Variants in IL1RAPL2 observed in about 807,000 individuals in gnomAD.
IL1RAPL2 encodes the protein X-linked interleukin-1 receptor accessory protein-like 2.
A neutral mutation model predicts 44.1 loss-of-function variants in IL1RAPL2; 3 were observed. The ratio of observed to expected loss-of-function variants is 0.07; its 90% CI spans 0.03 to 0.18. The LOEUF is 0.18. Ranked by LOEUF, IL1RAPL2 falls within the 10% of genes least tolerant of loss-of-function variation. IL1RAPL2 has a pLI of 1.00. For synonymous variants in IL1RAPL2, 181 were observed against 178.8 expected (o/e 1.01, Z -0.10); for missense variants, 391 against 496.4 (o/e 0.79, Z 2.02).
intron 5 of IL1RAPL2, among the ~76,000 whole-genome samples, chrX:105,395,391 A>C (rs2147732379): frequency 9.0e-6 from 1 of 110,658 alleles, no homozygotes; most frequent in Admixed American, 9.7e-5. Flanking sequence ...AAAAAAAAGA[A>C]AAGAAGAGAT....
At chrX:105,031,923 A>C (rs778584066) in intron 2 of IL1RAPL2, among the ~76,000 whole-genome samples, 2 of 111,628 alleles carry the variant, frequency 1.8e-5, no homozygotes, top group African/African-American at 6.5e-5. Context: ...TGGTCTCTTC[A>C]GAGATTCAAC....
At chrX:105,012,271 C>G (rs1032896371) in intron 2 of IL1RAPL2, among the ~76,000 whole-genome samples, 2 of 110,310 alleles carry the variant, frequency 1.8e-5, no homozygotes, top group Admixed American at 9.7e-5. Flanking sequence ...TTGTGACATC[C>G]CTACCTTTTT....
At chrX:104,747,484 A>G (rs1932194144) in intron 2 of IL1RAPL2, among the ~76,000 whole-genome samples, 1 of 111,609 alleles carries the variant, frequency 9.0e-6, no homozygotes, top group African/African-American at 3.3e-5. Flanking sequence ...AATGAAGCAG[A>G]CAACCACTGA....
intron 5 of IL1RAPL2, among the ~76,000 whole-genome samples, chrX:105,281,656 A>G (rs2034534070): frequency 9.0e-6 from 1 of 111,507 alleles, no homozygotes; most frequent in South Asian, 3.8e-4. Context: ...CAGTACACTA[A>G]CATGCTGTAC....
chrX:105,441,536 G>A (rs1313350925), intron 5 of IL1RAPL2, among the ~76,000 whole-genome samples: 1 of 111,718 alleles, frequency 9.0e-6, no homozygotes, highest in African/African-American at 3.3e-5. Context: ...AGGCCTTTAA[G>A]TGGACTCTCA....
intron 7 of IL1RAPL2, among the ~76,000 whole-genome samples, chrX:105,729,109 A>G (rs1233512355): frequency 9.0e-6 from 1 of 111,125 alleles, no homozygotes; most frequent in African/African-American, 3.3e-5. Context: ...GATGTACCAC[A>G]ATTGTTTACC....
At chrX:104,571,588 A>T (rs980736618) in intron 1 of IL1RAPL2, among the ~76,000 whole-genome samples, 2 of 112,037 alleles carry the variant, frequency 1.8e-5, no homozygotes, top group Non-Finnish European at 3.8e-5. Context: ...GCCTGCCGCC[A>T]TGTAAGACAT....
chrX:104,612,142 GTTTA>G (rs1452731754), intron 1 of IL1RAPL2, among the ~76,000 whole-genome samples: 1 of 111,940 alleles, frequency 8.9e-6, no homozygotes, highest in Non-Finnish European at 1.9e-5. Flanking sequence ...TAGGTCGTCT[GTTTA>G]TTCTGTTGAT....
intron 3 of IL1RAPL2, among the ~76,000 whole-genome samples, chrX:105,226,544 C>A (rs1486902483): frequency 9.3e-6 from 1 of 107,680 alleles, no homozygotes; most frequent in African/African-American, 3.4e-5. Flanking sequence ...ATTACAAGAG[C>A]ATACCACCAT....
In IL1RAPL2 at chrX:105,041,244, T is replaced by C. The variant is rs774886715; in HGVS notation, c.83-154231T>C. Among the ~76,000 whole-genome samples, 20 of 111,306 alleles carry C rather than the reference T, an allele frequency of 1.8e-4. No individual in the cohort carries two copies. The South Asian group carries it at 1.9e-3, about 10-fold the overall frequency. On this transcript the variant is annotated intron_variant, in intron 2 of 10. Transcript: ENST00000372582. ...TTTGATTGCACTGTGGTCTGAGAGA[T>C]AGTTTGTTATAATTTCTGTTCTTTT...
At chrX:104,923,375 A>G (rs911193474) in intron 2 of IL1RAPL2, among the ~76,000 whole-genome samples, 1 of 111,932 alleles carries the variant, frequency 8.9e-6, no homozygotes, top group Non-Finnish European at 1.9e-5. Context: ...TCCAACATCA[A>G]TGTGAAAGAA....
At chrX:104,704,386 C>G (rs1931330112) in intron 2 of IL1RAPL2, among the ~76,000 whole-genome samples, 1 of 111,522 alleles carries the variant, frequency 9.0e-6, no homozygotes, top group Non-Finnish European at 1.9e-5. Context: ...TGAACTAATT[C>G]AGAGCCTCCA....
intron 2 of IL1RAPL2, among the ~76,000 whole-genome samples, chrX:104,950,808 C>G (rs762303077): frequency 6.3e-5 from 7 of 110,628 alleles, no homozygotes; most frequent in Admixed American, 2.9e-4. Flanking sequence ...CTGGGGTTCA[C>G]GTCATTCTCC....
At chrX:105,759,350 A>C (rs1275380955) in intron 10 of IL1RAPL2, among the ~76,000 whole-genome samples, 1 of 111,795 alleles carries the variant, frequency 8.9e-6, no homozygotes, top group Non-Finnish European at 1.9e-5. Context: ...GCTTTAGAAA[A>C]AGCTACAGAT....
At chrX:104,633,451 G>T (rs192585283) in intron 1 of IL1RAPL2, among the ~76,000 whole-genome samples, 2 of 111,865 alleles carry the variant, frequency 1.8e-5, no homozygotes, top group Admixed American at 1.9e-4. Flanking sequence ...GTAGAATTCA[G>T]CTGTGAATCC....
At chrX:105,705,203 T>C (rs989440827) in intron 6 of IL1RAPL2, among the ~76,000 whole-genome samples, 1 of 110,375 alleles carries the variant, frequency 9.1e-6, no homozygotes, top group Non-Finnish European at 1.9e-5. Flanking sequence ...AGATAGATGA[T>C]AGATGAATAG....
intron 1 of IL1RAPL2, among the ~76,000 whole-genome samples, chrX:104,612,376 G>A (rs960614926): frequency 2.7e-5 from 3 of 111,847 alleles, no homozygotes; most frequent in East Asian, 2.8e-4. Context: ...AAAGATAGGG[G>A]TCCAGTTTCA....
chrX:105,093,476 G>T (rs1270548254), intron 2 of IL1RAPL2, among the ~76,000 whole-genome samples: 1 of 111,016 alleles, frequency 9.0e-6, no homozygotes. Flanking sequence ...CTGGAGAAGG[G>T]TGTGGAAAAA....
intron 2 of IL1RAPL2, among the ~76,000 whole-genome samples, chrX:105,041,760 C>T (rs1453096287): frequency 1.8e-5 from 2 of 108,701 alleles, no homozygotes; most frequent in East Asian, 5.8e-4. Flanking sequence ...AAAGAGCCCG[C>T]ATCGCCAAGT....
Sources: allele counts gnomAD v4.1 joint callset (sites outside exome capture counted in the v4.1 genomes callset), GRCh38; gene constraint gnomAD v4.1.1; transcripts MANE v1.5; gene names NCBI Gene and HGNC (gene_info 2026-07-23, HGNC 2026-07-21).